The following OSMR variants were observed in gnomAD, a reference collection of about 807,000 sequenced individuals.
The protein encoded by OSMR is oncostatin-M-specific receptor subunit beta.
In OSMR, 81 loss-of-function variants were observed where a neutral mutation model predicts 99.9. The ratio of observed to expected loss-of-function variants is 0.81; its 90% CI spans 0.68 to 0.97. The LOEUF (loss-of-function observed/expected upper bound fraction) is 0.97, where lower values mean the gene tolerates loss of function less well. Ranked by LOEUF, OSMR falls within the 50% of genes least tolerant of loss-of-function variation. The pLI is 0.00. For synonymous variants in OSMR, 406 were observed against 410.4 expected, an observed-to-expected ratio of 0.99 and a Z score of 0.13; for missense variants, 1,099 against 1,153.4, an observed-to-expected ratio of 0.95 and a Z score of 0.68.
At chr5:38,899,233 A>G (rs1209351972) in intron 7 of OSMR, among the ~76,000 whole-genome samples, 4 of 152,156 alleles carry the variant, frequency 2.6e-5, no homozygotes, top group Non-Finnish European at 5.9e-5. Flanking sequence ...TGCTAGGATT[A>G]CAGGTGTGAG....
rs1413074130 is a variant in OSMR, at chr5:38,932,213, C to A, written c.2294+249C>A. Among the ~76,000 whole-genome samples, 4 of 152,298 alleles carry A rather than the reference C, an allele frequency of 2.6e-5. No individual in the cohort carries two copies. The East Asian group carries it at 5.8e-4, about 22-fold the overall frequency. ...CAACAGCAATAGCTAATATTTATATCTCTCTTACTGTATGTTTGGCAATGT... is the reference window on the plus strand; with the variant it reads ...CAACAGCAATAGCTAATATTTATATATCTCTTACTGTATGTTTGGCAATGT... On this transcript the variant is annotated intron_variant, in intron 16 of 17. Coordinates refer to ENST00000274276, the MANE Select transcript of OSMR (RefSeq NM_003999.3).
intron 7 of OSMR, chr5:38,886,729 T>A (rs1743802097): frequency 6.6e-6 from 1 of 152,658 alleles, no homozygotes; most frequent in Non-Finnish European, 1.5e-5. Context: ...ATTAAATATT[T>A]TATTCATGCA....
In OSMR at chr5:38,900,143, T is replaced by C. The variant is rs184939481; in HGVS notation, c.992-3739T>C. On this transcript the variant is annotated intron_variant, in intron 7 of 17. Transcript: ENST00000274276. Reference sequence around the variant, plus strand: ...CTGGGGCTCATCTGAATGCTCCCTCTGTAGGCGGATATCAGCTGAGTTCAA... The same window carrying C: ...CTGGGGCTCATCTGAATGCTCCCTCCGTAGGCGGATATCAGCTGAGTTCAA... 2.1e-4 allele frequency among the ~76,000 whole-genome samples: 32 copies of C among 152,302 alleles called. 1 individual carries two copies. The East Asian group carries it at 6.2e-3, about 29-fold the overall frequency.
chr5:38,919,405 A>C, intron 11 of OSMR: 1 of 1,244,808 alleles, frequency 8.0e-7, no homozygotes, highest in Non-Finnish European at 1.1e-6. Flanking sequence ...GTGGCTTGTG[A>C]AATAGGAATT....
At chr5:38,905,350 G>A (rs527900644) in intron 9 of OSMR, among the ~76,000 whole-genome samples, 10 of 152,232 alleles carry the variant, frequency 6.6e-5, no homozygotes, top group East Asian at 1.9e-4. Context: ...TTAGCCAGGC[G>A]TGGTGGCACA....
chr5:38,886,039 AT>A lies in OSMR; in HGVS notation c.844del (p.Ser282LeufsTer17). On this transcript the variant is annotated frameshift_variant and splice_region_variant, in exon 7 of 18. Transcript: ENST00000274276. LOFTEE classifies it high-confidence loss of function. ...PSQSYTLFES[F>X]SGEKKLCTHK... ...GTGTTATTTTGTTTTGTTTTTAAAG[AT>A]TTTCTGGGGAAAAGAAACTTTGTAC... 1 of 1,613,104 alleles carries A rather than the reference AT, an allele frequency of 6.2e-7. No homozygotes were observed. The highest frequency in any genetic ancestry group is 8.5e-7 in the Non-Finnish European group (1 of 1,179,818).
chr5:38,942,449 C>CT lies in OSMR; in HGVS notation c.75-1751dup. 3 of 791,068 alleles carry CT rather than the reference C, an allele frequency of 3.8e-6. No homozygotes were observed. The South Asian group carries it at 7.7e-5, about 20-fold the overall frequency. The allele number at this position is 791,068 out of a possible 1,614,324, so 49.0% of individuals were successfully genotyped here. The stretch of plus-strand genomic sequence containing the variant: ...TGATATAACATATTTATATAAATAT[C>CT]TAATTTTTTTTTTTTTTTGAGATAG... On this transcript the variant is annotated intron_variant and NMD_transcript_variant, in intron 1 of 2. Transcript: ENST00000508882.
rs1055934071 is a variant in OSMR, at chr5:38,933,706, C to A, written c.*262C>A. ...GTTTGTTCCAGGCTCACCTTTAGAACAGGAGACTTGAGCTTGACCTAAGGA... is the reference window on the plus strand; with the variant it reads ...GTTTGTTCCAGGCTCACCTTTAGAAAAGGAGACTTGAGCTTGACCTAAGGA... On this transcript the variant is annotated 3_prime_UTR_variant, in exon 18 of 18. Transcript: ENST00000274276. The A allele has an allele frequency of 5.8e-6, 3 of 515,300 alleles. No individual in the cohort carries two copies. The highest frequency in any genetic ancestry group is 1.1e-5 in the Non-Finnish European group (3 of 284,616). The allele number at this position is 515,300 out of a possible 1,614,324, so 31.9% of individuals were successfully genotyped here.
chr5:38,881,452 G>T (rs769970960), intron 3 of OSMR, 141 bp from the exon 4 acceptor site: 5 of 1,553,214 alleles, frequency 3.2e-6, no homozygotes, highest in Non-Finnish European at 4.3e-6. Flanking sequence ...ATGGGGAATT[G>T]ACTAGCAGAA....
intron 7 of OSMR, among the ~76,000 whole-genome samples, chr5:38,893,735 C>T (rs1007549903): frequency 6.6e-6 from 1 of 152,142 alleles, no homozygotes; most frequent in Admixed American, 6.5e-5. Context: ...AAAAAGTAAT[C>T]AATCTGGGAA....
intron 11 of OSMR, 191 bp downstream of exon 11, chr5:38,919,253 A>G (rs1406862167): frequency 6.6e-7 from 1 of 1,517,756 alleles, no homozygotes; most frequent in East Asian, 2.5e-5. Context: ...TGTGGGGAGA[A>G]GGAGACTTCA....
intron 7 of OSMR, among the ~76,000 whole-genome samples, chr5:38,892,556 G>T (rs905949035): frequency 6.6e-6 from 1 of 152,076 alleles, no homozygotes; most frequent in Non-Finnish European, 1.5e-5. Context: ...CAACACCACC[G>T]TAACCAACAT....
exon 3 of OSMR, chr5:38,944,961 A>G: frequency 6.2e-7 from 1 of 1,614,072 alleles, no homozygotes; most frequent in Non-Finnish European, 8.5e-7. Context: ...CCTTCTTGAG[A>G]CACCCCATCA....
At chr5:38,849,306 T>A (rs1387515065) in intron 1 of OSMR, among the ~76,000 whole-genome samples, 1 of 152,228 alleles carries the variant, frequency 6.6e-6, no homozygotes, top group East Asian at 1.9e-4. Context: ...CGATGTAACT[T>A]AATATTTTTG....
In OSMR at chr5:38,933,783, TG is replaced by T. The variant is rs2112713735; in HGVS notation, c.*341del. The T allele has an allele frequency of 3.9e-6, 1 of 258,810 alleles. No homozygotes were observed. The highest frequency in any genetic ancestry group is 8.3e-5 in the South Asian group (1 of 12,024). 16.0% of individuals were successfully genotyped at this position (258,810 alleles called of 1,614,324 possible). A position where few individuals can be genotyped will look rare whatever the true frequency, so the allele number is the denominator to read the frequency against. On this transcript the variant is annotated 3_prime_UTR_variant, in exon 18 of 18. Transcript: ENST00000274276. ...CACTCAGTACTGTACAGGGTGGCTG[TG>T]GTCCTAGAAGTTCAGTTTTTACTGA...
intron 11 of OSMR, among the ~76,000 whole-genome samples, chr5:38,919,788 G>T (rs1002976064): frequency 6.6e-6 from 1 of 152,142 alleles, no homozygotes; most frequent in Non-Finnish European, 1.5e-5. Context: ...CCAGACCCTT[G>T]TAGGTTCTAT....
intron 7 of OSMR, among the ~76,000 whole-genome samples, chr5:38,903,526 T>C (rs1745026441): frequency 6.6e-6 from 1 of 152,226 alleles, no homozygotes; most frequent in African/African-American, 2.4e-5. Context: ...TTGGATTATA[T>C]CCTTGACATT....
rs144336066 is a variant in OSMR at position 38,862,645 on chromosome 5, C to T, written c.-13-6387C>T. On this transcript the variant is annotated intron_variant, in intron 1 of 17. Coordinates refer to ENST00000274276, the MANE Select transcript of OSMR (RefSeq NM_003999.3). ...GGCGCTCCTCACATCCCAGACGGGG[C>T]GGCAGGGCAGAGGCGCTCCCCACAT... 0.022 allele frequency among the ~76,000 whole-genome samples: 3,313 copies of T among 148,980 alleles called. 346 individuals carry two copies. In the East Asian group the frequency reaches 0.37, roughly 17 times the overall value.
At chr5:38,859,496 C>T (rs1167555582) in intron 1 of OSMR, among the ~76,000 whole-genome samples, 2 of 152,074 alleles carry the variant, frequency 1.3e-5, no homozygotes, top group East Asian at 3.8e-4. Flanking sequence ...GTTTGGGTTA[C>T]TGTAGTTTTG....
Sources: gnomAD v4.1 joint callset for allele counts (sites outside exome capture counted in the v4.1 genomes callset) on GRCh38, gnomAD v4.1.1 for gene constraint, MANE v1.5 for transcripts, NCBI Gene and HGNC (gene_info 2026-07-23, HGNC 2026-07-21) for gene names.